The following RPH3AL variants were observed in gnomAD, a reference collection of about 807,000 sequenced individuals.
RPH3AL encodes the protein rabphilin 3A like (without C2 domains).
Under a neutral mutation model 43.1 loss-of-function variants are expected in RPH3AL, and 38 were observed. The ratio of observed to expected loss-of-function variants is 0.88; its 90% CI spans 0.68 to 1.15. The LOEUF (loss-of-function observed/expected upper bound fraction) is 1.15, where lower values mean the gene tolerates loss of function less well. Among genes scored for constraint, RPH3AL ranks in the 50% most tolerant of loss-of-function variants. The probability of loss-of-function intolerance (pLI) is 0.00; values close to 1 mark genes in which losing one functional copy is unlikely to be tolerated. For synonymous variants in RPH3AL, 189 were observed against 176.3 expected (o/e 1.07, Z -0.57); for missense variants, 462 against 423.2 (o/e 1.09, Z -0.81).
At chr17:293,246 C>G (rs952667199) in intron 5 of RPH3AL, among the ~76,000 whole-genome samples, 2 of 152,194 alleles carry the variant, frequency 1.3e-5, no homozygotes, top group Admixed American at 1.3e-4. Context: ...AACACCTCCT[C>G]CCTCCGCCTG....
chr17:304,739 C>G (rs1400457273), intron 5 of RPH3AL, among the ~76,000 whole-genome samples: 1 of 152,104 alleles, frequency 6.6e-6, no homozygotes, highest in African/African-American at 2.4e-5. Flanking sequence ...AATTTTCATG[C>G]CACGTGACAC....
rs1215251492 is a variant in RPH3AL, at chr17:321,388, G to A, written c.105C>T (p.Thr35=). 1 of 1,610,566 alleles carries A rather than the reference G, an allele frequency of 6.2e-7. No homozygotes were observed. Among genetic ancestry groups the A allele is most frequent in the Non-Finnish European group, 8.5e-7 (1 of 1,179,892 alleles). ...TCCTCCTCTGCTTCTCCGTCTGGTAGGTGTGCACGGACCAGCCCGTCTGCA... is the reference window on the plus strand; with the variant it reads ...TCCTCCTCTGCTTCTCCGTCTGGTAAGTGTGCACGGACCAGCCCGTCTGCA... The part of the protein sequence containing the change: ...AKLQTGWSVH[T]YQTEKQRRKQ... Residue 35 remains threonine (T), a synonymous_variant, in exon 4 of 10, where the codon ACC becomes ACT. Coordinates refer to ENST00000331302, the MANE Select transcript of RPH3AL (RefSeq NM_006987.4).
At chr17:268,516 G>C (rs1322453014) in intron 6 of RPH3AL, among the ~76,000 whole-genome samples, 2 of 140,064 alleles carry the variant, frequency 1.4e-5, no homozygotes, top group Non-Finnish European at 3.1e-5. Context: ...GTTTTGGAGA[G>C]TTAATAGTTA....
rs117027755 is a variant in RPH3AL at position 262,882 on chromosome 17, A to G, written c.439-15597T>C. Among the ~76,000 whole-genome samples, 4 of 152,294 alleles carry G rather than the reference A, an allele frequency of 2.6e-5. No homozygotes were observed. In the East Asian group the frequency reaches 7.8e-4, roughly 30 times the overall value. On this transcript the variant is annotated intron_variant, in intron 6 of 9. Coordinates refer to ENST00000331302, the MANE Select transcript of RPH3AL (RefSeq NM_006987.4). ...GACCCCACTTTGCTTTCCCCGCAGA[A>G]GCCCCAGTAAAGGCTGTGGATGTGT... is the stretch of plus-strand genomic sequence containing the variant.
intron 5 of RPH3AL, among the ~76,000 whole-genome samples, chr17:314,602 T>A (rs1412060800): frequency 6.6e-6 from 1 of 151,758 alleles, no homozygotes; most frequent in Non-Finnish European, 1.5e-5. Context: ...CCACCTCCAC[T>A]GACCTGTAGT....
Position 237,100 on chromosome 17 carries a change from G to A in RPH3AL, c.613+10011C>T, listed in dbSNP as rs1056033830. ...TCTTCCCGGAAGACAGGTAGAGGGCGTGGGGTGGGGGCGGCAGGATCACTG... is the reference window on the plus strand; with the variant it reads ...TCTTCCCGGAAGACAGGTAGAGGGCATGGGGTGGGGGCGGCAGGATCACTG... On this transcript the variant is annotated intron_variant, in intron 7 of 9. Coordinates refer to ENST00000331302, the MANE Select transcript of RPH3AL (RefSeq NM_006987.4). 1.1e-4 allele frequency among the ~76,000 whole-genome samples: 16 copies of A among 152,338 alleles called. No homozygotes were observed. In the East Asian group the frequency reaches 2.9e-3, roughly 28 times the overall value.
intron 4 of RPH3AL, among the ~76,000 whole-genome samples, chr17:320,392 T>C (rs2044433984): frequency 6.6e-6 from 1 of 152,016 alleles, no homozygotes; most frequent in African/African-American, 2.4e-5. Flanking sequence ...TCCCAGCCCT[T>C]TGTGAGGCTG....
At chr17:316,495 T>A (rs1251267215) in intron 5 of RPH3AL, among the ~76,000 whole-genome samples, 10 of 149,308 alleles carry the variant, frequency 6.7e-5, no homozygotes, top group African/African-American at 2.0e-4. Flanking sequence ...TCCACTGACC[T>A]GTAGTCTCTG....
At chr17:337,217 G>A (rs977102342) in intron 1 of RPH3AL, among the ~76,000 whole-genome samples, 8 of 151,844 alleles carry the variant, frequency 5.3e-5, no homozygotes, top group Non-Finnish European at 8.8e-5. Flanking sequence ...CTCGGCTCCC[G>A]TGATCCTCGC....
chr17:348,313 C>A (rs1271399642), intron 1 of RPH3AL, among the ~76,000 whole-genome samples: 3 of 152,170 alleles, frequency 2.0e-5, no homozygotes, highest in African/African-American at 7.2e-5. Context: ...CATGTCCTTA[C>A]ACATTGGTTG....
At position 285,660 on chromosome 17, in the gene RPH3AL, G is replaced by A. The variant is rs546764209; in HGVS notation, c.352-3806C>T. On this transcript the variant is annotated intron_variant, in intron 5 of 9. Transcript: ENST00000331302. Reference sequence around the variant, plus strand: ...CATTTCAGGTACTCCGTGGCCTCACGTGGCCGGTGGCTACCGCAAGGGACA... The same window carrying A: ...CATTTCAGGTACTCCGTGGCCTCACATGGCCGGTGGCTACCGCAAGGGACA... Among the ~76,000 whole-genome samples, 12 of 152,298 alleles carry A rather than the reference G, an allele frequency of 7.9e-5. No homozygotes were observed. In the South Asian group the frequency reaches 1.5e-3, roughly 18 times the overall value.
At chr17:269,082 G>A (rs187313491) in intron 6 of RPH3AL, among the ~76,000 whole-genome samples, 2 of 152,276 alleles carry the variant, frequency 1.3e-5, no homozygotes, top group South Asian at 4.1e-4. Context: ...GTTTCACCGT[G>A]TTAGCCAGGA....
intron 5 of RPH3AL, among the ~76,000 whole-genome samples, chr17:315,524 G>C (rs71355221): frequency 2.9e-5 from 2 of 69,768 alleles, no homozygotes; most frequent in South Asian, 5.5e-4. Flanking sequence ...TTGACCTGTA[G>C]TCCCTGTGCT....
rs1341988215 is a variant in RPH3AL at position 215,739 on chromosome 17, T to G, written c.791A>C (p.Gln264Pro). The change falls in exon 9 of 10, where the codon CAG becomes CCG. Residue 264 changes from glutamine to proline, a missense_variant. Physicochemically the swap from Gln to Pro is moderately conservative, Grantham distance 76 (BLOSUM62 -1). Coordinates refer to ENST00000331302, the MANE Select transcript of RPH3AL (RefSeq NM_006987.4). The surrounding 1 kb of genome is among the most constrained non-coding windows in gnomAD (Gnocchi z 4.1). ...CGTCTCACCACTGGCCAGGCTGCTC[T>G]GGCACCCAGAGAGGTGGCCCGGCGG... Reference protein sequence around the residue: ...THPPGHLSGCQSSLASGETGT... With the variant: ...THPPGHLSGCPSSLASGETGT... The G allele has an allele frequency of 7.6e-7, 1 of 1,308,568 alleles. No individual in the cohort carries two copies. The highest frequency in any genetic ancestry group is 9.8e-7 in the Non-Finnish European group (1 of 1,025,612). 81.1% of individuals were successfully genotyped at this position (1,308,568 alleles called of 1,614,324 possible). A position where few individuals can be genotyped will look rare whatever the true frequency, so the allele number is the denominator to read the frequency against.
chr17:285,447 G>A (rs986418593), intron 5 of RPH3AL, among the ~76,000 whole-genome samples: 5 of 152,142 alleles, frequency 3.3e-5, no homozygotes, highest in African/African-American at 4.8e-5. Context: ...CAACCAGCAC[G>A]TAATAGCGAC....
intron 7 of RPH3AL, among the ~76,000 whole-genome samples, chr17:230,346 A>G (rs2041203017): frequency 6.6e-6 from 1 of 152,344 alleles, no homozygotes; most frequent in Admixed American, 6.5e-5. Context: ...TCCAGATAGA[A>G]TGAAAGGTGG....
intron 6 of RPH3AL, among the ~76,000 whole-genome samples, chr17:253,107 C>T (rs1465342873): frequency 4.6e-5 from 7 of 152,152 alleles, no homozygotes; most frequent in Non-Finnish European, 8.8e-5. Context: ...GGGGAAGGTT[C>T]CCAGGGAACC....
chr17:267,840 T>C (rs1597975203), intron 6 of RPH3AL, among the ~76,000 whole-genome samples: 1 of 152,322 alleles, frequency 6.6e-6, no homozygotes, highest in East Asian at 1.9e-4. Flanking sequence ...TTTTGCCTGA[T>C]TTTAGCGACC....
intron 6 of RPH3AL, among the ~76,000 whole-genome samples, chr17:272,953 GGGCTACGTC>G (rs879486087): frequency 0.11 from 6,031 of 52,512 alleles, 392 homozygotes; most frequent in East Asian, 0.28. Flanking sequence ...ACCCCAGCAA[GGGCTACGTC>G]AGGGTGAGAC....
Sources: allele counts gnomAD v4.1 joint callset (sites outside exome capture counted in the v4.1 genomes callset), GRCh38; gene constraint gnomAD v4.1.1; non-coding constraint Gnocchi (gnomAD v3.1); transcripts MANE v1.5; gene names NCBI Gene and HGNC (gene_info 2026-07-23, HGNC 2026-07-21).